Variants in MACROD2 observed in about 807,000 individuals in gnomAD.
MACROD2 encodes ADP-ribose glycohydrolase MACROD2.
In MACROD2, 36 loss-of-function variants were observed where a neutral mutation model predicts 70.4. The ratio of observed to expected loss-of-function variants is 0.51; its 90% CI spans 0.39 to 0.68. MACROD2 has a LOEUF of 0.68. Among genes scored for constraint, MACROD2 ranks in the 30% least tolerant of loss-of-function variants. The pLI is 0.00. For missense variants in MACROD2, 496 were observed against 538.4 expected (o/e 0.92, Z 0.78); for synonymous variants, 172 against 178.8 (o/e 0.96, Z 0.30).
intron 4 of MACROD2, among the ~76,000 whole-genome samples, chr20:14,553,349 A>G (rs769380966): frequency 2.6e-5 from 4 of 151,344 alleles, no homozygotes; most frequent in African/African-American, 9.7e-5. Flanking sequence ...TCCTATGATA[A>G]TAGTGTCTTC....
intron 10 of MACROD2, among the ~76,000 whole-genome samples, chr20:15,897,399 C>A (rs1039425350): frequency 3.3e-5 from 5 of 151,956 alleles, no homozygotes; most frequent in African/African-American, 1.2e-4. Context: ...TTTTATATAT[C>A]CTTCTTAGAA....
chr20:14,185,527 T>A (rs1294500872), intron 3 of MACROD2, among the ~76,000 whole-genome samples: 1 of 152,186 alleles, frequency 6.6e-6, no homozygotes, highest in African/African-American at 2.4e-5. Context: ...AATACACTGC[T>A]GGATGCTGAG....
chr20:14,693,197 C>T (rs1355597925), intron 5 of MACROD2, among the ~76,000 whole-genome samples: 1 of 152,150 alleles, frequency 6.6e-6, no homozygotes, highest in Non-Finnish European at 1.5e-5. Flanking sequence ...TGGGGGTAAT[C>T]AGCCTTTGGA....
intron 5 of MACROD2, among the ~76,000 whole-genome samples, chr20:15,092,987 C>G (rs559039430): frequency 1.3e-5 from 2 of 152,188 alleles, no homozygotes; most frequent in East Asian, 3.9e-4. Flanking sequence ...GAGTTTTATT[C>G]TACAAAGTAA....
chr20:15,230,209 T>G (rs1169721135), intron 6 of MACROD2, 148 bp downstream of exon 6: 2 of 665,094 alleles, frequency 3.0e-6, no homozygotes, highest in Non-Finnish European at 4.6e-6. Context: ...TTATCATGAC[T>G]CTAATCTTTG....
chr20:14,762,736 C>T lies in MACROD2; in HGVS notation c.418+77777C>T, dbSNP rs6135253. 4.6e-3 allele frequency among the ~76,000 whole-genome samples: 697 copies of T among 152,070 alleles called. 21 individuals carry two copies. The highest frequency in any genetic ancestry group is 0.034 in the Admixed American group (513 of 15,266). On this transcript the variant is annotated intron_variant, in intron 5 of 17. Transcript: ENST00000684519. ...CTTGAGGCCAGGAGTTTGAGACCAG[C>T]CTGTGCAACATGACGAAACTCTGTC...
rs145649647 is a variant in MACROD2, at chr20:14,995,172, G to A, written c.419-234768G>A. On this transcript the variant is annotated intron_variant, in intron 5 of 17. Transcript: ENST00000684519. The stretch of plus-strand genomic sequence containing the variant: ...TTTGATAATGCAGTGTCAAGTTGCA[G>A]AATCATTTTAGAGATAAGATATGGA... 2.7e-3 allele frequency among the ~76,000 whole-genome samples: 409 copies of A among 152,126 alleles called. 2 individuals carry two copies. Among genetic ancestry groups the A allele is most frequent in the Non-Finnish European group, 4.2e-3 (285 of 67,992 alleles).
intron 4 of MACROD2, among the ~76,000 whole-genome samples, chr20:14,586,373 CT>C (rs1371003339): frequency 4.6e-5 from 7 of 151,976 alleles, no homozygotes; most frequent in African/African-American, 1.7e-4. Flanking sequence ...TCAGTAACAT[CT>C]TTCCTTAAGT....
chr20:14,156,599 C>T (rs895716341), intron 3 of MACROD2, among the ~76,000 whole-genome samples: 9 of 152,298 alleles, frequency 5.9e-5, no homozygotes, highest in Admixed American at 5.9e-4. Context: ...GTTTAGTTTA[C>T]AGATTTTAAA....
chr20:16,026,160 AC>A (rs1019914232), intron 15 of MACROD2, among the ~76,000 whole-genome samples: 5 of 87,532 alleles, frequency 5.7e-5, no homozygotes, highest in African/African-American at 1.9e-4. Flanking sequence ...TCTCAAAAAA[AC>A]AAAACAACAA....
chr20:14,209,810 C>G (rs1226954489), intron 3 of MACROD2, among the ~76,000 whole-genome samples: 1 of 152,036 alleles, frequency 6.6e-6, no homozygotes, highest in East Asian at 1.9e-4. Flanking sequence ...AGTCTCATAG[C>G]CACTTAGTCG....
At chr20:16,031,236 A>G (rs1486849977) in intron 15 of MACROD2, among the ~76,000 whole-genome samples, 25 of 152,134 alleles carry the variant, frequency 1.6e-4, no homozygotes, top group Admixed American at 1.6e-3. Context: ...GGAGGAAGAA[A>G]AGAAGGGAGG....
intron 5 of MACROD2, among the ~76,000 whole-genome samples, chr20:14,840,796 C>A (rs1180802048): frequency 2.6e-5 from 4 of 152,034 alleles, no homozygotes; most frequent in African/African-American, 9.7e-5. Flanking sequence ...TATCTGAAAG[C>A]TCATCACAGT....
At chr20:14,320,947 G>C (rs2082654431) in intron 3 of MACROD2, among the ~76,000 whole-genome samples, 2 of 152,004 alleles carry the variant, frequency 1.3e-5, no homozygotes, top group African/African-American at 4.8e-5. Flanking sequence ...GGTCTTCCTT[G>C]AGCTATTCAA....
At chr20:14,491,017 C>A (rs1490549346) in intron 3 of MACROD2, among the ~76,000 whole-genome samples, 16 of 152,132 alleles carry the variant, frequency 1.1e-4, no homozygotes, top group Admixed American at 1.0e-3. Flanking sequence ...TAGGATATAT[C>A]TCAATCTATT....
Position 15,980,412 on chromosome 20 carries a change from A to AT in MACROD2, c.986-6307dup, listed in dbSNP as rs929020719. Among the ~76,000 whole-genome samples, 9 of 151,622 alleles carry AT rather than the reference A, an allele frequency of 5.9e-5. No individual in the cohort carries two copies. The South Asian group carries it at 6.3e-4, about 11-fold the overall frequency. ...GTTCTCACTCTTATTTTTGCTACTT[A>AT]TTTTTTTTGTTCAATAGATTGATAG... On this transcript the variant is annotated intron_variant, in intron 13 of 17. Transcript: ENST00000684519.
chr20:14,669,406 C>A (rs1283652291), intron 4 of MACROD2, among the ~76,000 whole-genome samples: 1 of 152,068 alleles, frequency 6.6e-6, no homozygotes, highest in Non-Finnish European at 1.5e-5. Context: ...AGAGTGATTT[C>A]TTTTTTGCTC....
At chr20:15,850,669 G>A (rs1939113652) in intron 8 of MACROD2, among the ~76,000 whole-genome samples, 1 of 152,104 alleles carries the variant, frequency 6.6e-6, no homozygotes, top group Non-Finnish European at 1.5e-5. Flanking sequence ...GGTGGCTTTG[G>A]CCATGTGAGA....
At chr20:15,601,369 G>A (rs1048340146) in intron 8 of MACROD2, among the ~76,000 whole-genome samples, 3 of 151,982 alleles carry the variant, frequency 2.0e-5, no homozygotes, top group East Asian at 1.9e-4. Context: ...TTAAATGTGT[G>A]CGCCCATTCA....
Sources: allele counts gnomAD v4.1 joint callset (sites outside exome capture counted in the v4.1 genomes callset), GRCh38; gene constraint gnomAD v4.1.1; transcripts MANE v1.5; gene names NCBI Gene and HGNC (gene_info 2026-07-23, HGNC 2026-07-21).